The following GCH1 variants were observed in gnomAD, a reference collection of about 807,000 sequenced individuals.
GCH1 encodes GTP cyclohydrolase 1.
GCH1 carries 5 observed loss-of-function variants against 25.9 expected under a neutral mutation model. That is an observed-to-expected ratio of 0.19 (90% CI 0.10 to 0.41). The LOEUF (loss-of-function observed/expected upper bound fraction) is 0.41. Ranked by LOEUF, GCH1 falls within the 10% of genes least tolerant of loss-of-function variation. GCH1 has a pLI of 1.00. For synonymous variants in GCH1, 159 were observed against 129.6 expected (o/e 1.23, Z -1.54); for missense variants, 261 against 336.5 (o/e 0.78, Z 1.75).
At chr14:54,889,938 A>C (rs546755486) in intron 1 of GCH1, among the ~76,000 whole-genome samples, 1 of 152,310 alleles carries the variant, frequency 6.6e-6, no homozygotes, top group African/African-American at 2.4e-5. Context: ...AACAGAACAA[A>C]ACCTCACAGC....
intron 1 of GCH1, among the ~76,000 whole-genome samples, chr14:54,879,893 G>A (rs2040219052): frequency 1.3e-5 from 2 of 150,922 alleles, no homozygotes; most frequent in African/African-American, 2.4e-5. Context: ...GCTGAGGCAG[G>A]AGAATCGTTT....
chr14:54,863,544 C>A, intron 2 of GCH1, among the ~76,000 whole-genome samples: 1 of 127,662 alleles, frequency 7.8e-6, no homozygotes, highest in Non-Finnish European at 1.7e-5. Context: ...CAAAGGTCCA[C>A]CAAGAGCAGA....
intron 1 of GCH1, among the ~76,000 whole-genome samples, chr14:54,880,500 C>A: frequency 9.1e-6 from 1 of 109,404 alleles, no homozygotes; most frequent in East Asian, 2.4e-4. Flanking sequence ...TATATATACT[C>A]CATATATATA....
At position 54,892,876 on chromosome 14, in the gene GCH1, G is replaced by C. The variant is rs149060032; in HGVS notation, c.343+9445C>G. Among the ~76,000 whole-genome samples the C allele has an allele frequency of 9.5e-3, 1,432 of 151,144 alleles. 27 individuals are homozygous for C. The highest frequency in any genetic ancestry group is 0.033 in the African/African-American group (1,345 of 41,140). ...GGCCAATCACTTGAGGTTAGGACTT[G>C]GAGACCAACCTGGCTAACATGGTGA... On this transcript the variant is annotated intron_variant, in intron 1 of 5. Coordinates refer to ENST00000491895, the MANE Select transcript of GCH1 (RefSeq NM_000161.3).
At position 54,867,589 on chromosome 14, in the gene GCH1, C is replaced by CAAAAAAAAA. The variant is rs1029899399; in HGVS notation, c.344-2162_344-2154dup. Among the ~76,000 whole-genome samples the CAAAAAAAAA allele has an allele frequency of 3.2e-3, 147 of 46,626 alleles. 12 individuals carry two copies. Among genetic ancestry groups the CAAAAAAAAA allele is most frequent in the African/African-American group, 0.01 (124 of 12,244 alleles). 30.6% of individuals were successfully genotyped at this position (46,626 alleles called of 152,430 possible). On this transcript the variant is annotated intron_variant, in intron 1 of 5. Transcript: ENST00000491895. ...GGCAAGAGAGAACAAGACTCCGTCT[C>CAAAAAAAAA]AAAAAAAAAAAAAAAAAAAAAAAAA... is the stretch of plus-strand genomic sequence containing the variant.
intron 1 of GCH1, among the ~76,000 whole-genome samples, chr14:54,869,759 C>T (rs1208610020): frequency 2.0e-5 from 3 of 152,162 alleles, no homozygotes; most frequent in African/African-American, 4.8e-5. Flanking sequence ...GGATTACAGG[C>T]GTGAGCCACC....
In GCH1 at chr14:54,858,575, G is replaced by A. The variant is rs1430882420; in HGVS notation, c.509+1106C>T. Reference sequence around the variant, plus strand: ...TGCTGGGATTACAAGTGTGAAAGACGGCACCCGGCCGAGACTCATTTATTT... The same window carrying A: ...TGCTGGGATTACAAGTGTGAAAGACAGCACCCGGCCGAGACTCATTTATTT... On this transcript the variant is annotated intron_variant, in intron 3 of 5. Coordinates refer to ENST00000491895, the MANE Select transcript of GCH1 (RefSeq NM_000161.3). Among the ~76,000 whole-genome samples the A allele has an allele frequency of 2.6e-5, 4 of 151,620 alleles. No homozygotes were observed. In the East Asian group the frequency reaches 7.7e-4, roughly 29 times the overall value.
At chr14:54,891,822 GC>G (rs2140114235) in intron 1 of GCH1, among the ~76,000 whole-genome samples, 1 of 152,206 alleles carries the variant, frequency 6.6e-6, no homozygotes, top group Admixed American at 6.5e-5. Flanking sequence ...CATTGTCTAT[GC>G]TTCCTACCTA....
At chr14:54,897,080 G>C (rs1272274322) in intron 1 of GCH1, among the ~76,000 whole-genome samples, 1 of 143,042 alleles carries the variant, frequency 7.0e-6, no homozygotes, top group South Asian at 2.3e-4. Context: ...CACAATCTCG[G>C]CTCACTGCAA....
intron 1 of GCH1, among the ~76,000 whole-genome samples, chr14:54,877,825 C>G (rs1323749473): frequency 6.6e-6 from 1 of 152,136 alleles, no homozygotes; most frequent in Non-Finnish European, 1.5e-5. Context: ...TACTTCGAAA[C>G]AGGGGTTCCC....
Position 54,845,826 on chromosome 14 carries a change from C to A in GCH1, c.568G>T (p.Ala190Ser), listed in dbSNP as rs1321591583. ...CGCAAGGCTTCCGTGATTGCTACAG[C>A]AATTTGTTTTGTAAGGCGCTCCTGA... ...QVQERLTKQIAVAITEALRPA... is the reference protein window; with the variant it reads ...QVQERLTKQISVAITEALRPA... The change falls in exon 5 of 6, where the codon GCT becomes TCT. Residue 190 changes from alanine to serine, a missense_variant. Physicochemically the swap from Ala to Ser is moderately conservative, Grantham distance 99 (BLOSUM62 1). Transcript: ENST00000491895. 3 of 1,610,276 alleles carry A rather than the reference C, an allele frequency of 1.9e-6. No individual in the cohort carries two copies. The highest frequency in any genetic ancestry group is 2.6e-6 in the Non-Finnish European group (3 of 1,176,462).
At chr14:54,890,339 A>C (rs1489984988) in intron 1 of GCH1, among the ~76,000 whole-genome samples, 1 of 152,196 alleles carries the variant, frequency 6.6e-6, no homozygotes, top group Non-Finnish European at 1.5e-5. Flanking sequence ...CTCTATTAAA[A>C]ACACAAAATT....
rs142220441 is a variant in GCH1, at chr14:54,846,788, C to G, written c.541+311G>C. Among the ~76,000 whole-genome samples the G allele has an allele frequency of 0.016, 2,485 of 152,272 alleles. 35 individuals are homozygous for G. The highest frequency in any genetic ancestry group is 0.048 in the South Asian group (233 of 4,826). ...GAAAAATGTTTTCTGTAGCCAGGCA[C>G]AGTGGCTCATGCCTGTAATCCCAGC... On this transcript the variant is annotated intron_variant, in intron 4 of 5. Transcript: ENST00000491895.
chr14:54,842,749 GGA>G lies in GCH1; in HGVS notation c.*1266_*1267del, dbSNP rs2140036712. ...GGAATAACTGTGTTTGTGTTTCTGT[GGA>G]GGAGTTGCGGTTTTGTTTGTTTTAA... On this transcript the variant is annotated 3_prime_UTR_variant, in exon 6 of 6. Coordinates refer to ENST00000491895, the MANE Select transcript of GCH1 (RefSeq NM_000161.3). 2.8e-6 allele frequency: 1 copy of G among 361,932 alleles called. No individual in the cohort carries two copies. Among genetic ancestry groups the G allele is most frequent in the South Asian group, 1.3e-4 (1 of 7,668 alleles). 22.4% of individuals were successfully genotyped at this position (361,932 alleles called of 1,614,324 possible). A position where few individuals can be genotyped will look rare whatever the true frequency, so the allele number is the denominator to read the frequency against.
intron 1 of GCH1, among the ~76,000 whole-genome samples, chr14:54,890,904 TTCCC>T (rs2140113005): frequency 6.6e-6 from 1 of 152,270 alleles, no homozygotes; most frequent in South Asian, 2.1e-4. Flanking sequence ...AGCACCCAGC[TTCCC>T]TCTGACTACA....
intron 3 of GCH1, among the ~76,000 whole-genome samples, chr14:54,855,793 G>A (rs1294069518): frequency 2.0e-5 from 3 of 152,172 alleles, no homozygotes; most frequent in South Asian, 2.1e-4. Context: ...CAGCCTGGCC[G>A]ACAAAGCAAG....
At position 54,842,281 on chromosome 14, in the gene GCH1, G is replaced by A. The variant is rs1346742598; in HGVS notation, c.*1736C>T. 1 of 152,538 alleles carries A rather than the reference G, an allele frequency of 6.6e-6. No individual in the cohort carries two copies. The highest frequency in any genetic ancestry group is 2.4e-5 in the African/African-American group (1 of 41,420). 9.4% of individuals were successfully genotyped at this position (152,538 alleles called of 1,614,324 possible). On this transcript the variant is annotated 3_prime_UTR_variant, in exon 6 of 6. Transcript: ENST00000491895. ...TTAGACCTTTATAAGAACACTTCTAGGAAATGTTAGAACAACGAGTCATTA... is the reference window on the plus strand; with the variant it reads ...TTAGACCTTTATAAGAACACTTCTAAGAAATGTTAGAACAACGAGTCATTA...
At chr14:54,855,510 A>AAAAAAAAAAAAG (rs2039796914) in intron 3 of GCH1, among the ~76,000 whole-genome samples, 1 of 145,528 alleles carries the variant, frequency 6.9e-6, no homozygotes, top group Admixed American at 6.8e-5. Context: ...TGTCTCAAAA[A>AAAAAAAAAAAAG]AAAAAAAAAA....
At chr14:54,845,269 G>A (rs1341113012) in intron 5 of GCH1, among the ~76,000 whole-genome samples, 1 of 151,868 alleles carries the variant, frequency 6.6e-6, no homozygotes, top group African/African-American at 2.4e-5. Flanking sequence ...CATGAGGTCA[G>A]GAGTTCGAGA....
Sources: allele counts gnomAD v4.1 joint callset (sites outside exome capture counted in the v4.1 genomes callset), GRCh38; gene constraint gnomAD v4.1.1; transcripts MANE v1.5; gene names NCBI Gene and HGNC (gene_info 2026-07-23, HGNC 2026-07-21).